Variants in AGPAT4 observed in about 807,000 individuals in gnomAD.
The protein encoded by AGPAT4 is 1-acyl-sn-glycerol-3-phosphate acyltransferase delta.
A neutral mutation model predicts 48.0 loss-of-function variants in AGPAT4; 15 were observed. That is an observed-to-expected ratio of 0.31 (90% CI 0.21 to 0.48). The LOEUF (loss-of-function observed/expected upper bound fraction) is 0.48, where lower values mean the gene tolerates loss of function less well. AGPAT4 is among the 20% of genes least tolerant of loss of function. The probability of loss-of-function intolerance (pLI) is 0.99; values close to 1 mark genes in which losing one functional copy is unlikely to be tolerated. For synonymous variants in AGPAT4, 178 were observed against 198.7 expected, an observed-to-expected ratio of 0.90 and a Z score of 0.88; for missense variants, 314 against 482.5, an observed-to-expected ratio of 0.65 and a Z score of 3.27.
chr6:161,136,732 A>G, intron 8 of AGPAT4, 98 bp from the exon 9 acceptor site: 1 of 1,040,192 alleles, frequency 9.6e-7, no homozygotes, highest in South Asian at 1.3e-5. Flanking sequence ...CGCAAATCAC[A>G]AGCGCCAGCT....
rs1256263303 is a variant in AGPAT4 at position 161,209,000 on chromosome 6, G to A, written c.178+23036C>T. ...TGTGTTAATTACTGGGGAAGAAAACGCACATCGAACAGGAAAGGCTGACTT... is the reference window on the plus strand; with the variant it reads ...TGTGTTAATTACTGGGGAAGAAAACACACATCGAACAGGAAAGGCTGACTT... On this transcript the variant is annotated intron_variant, in intron 2 of 8. Coordinates refer to ENST00000320285, the MANE Select transcript of AGPAT4 (RefSeq NM_020133.3). This position sits in a 1 kb window ranked among gnomAD's most constrained non-coding sequence, Gnocchi z 4.6. Among the ~76,000 whole-genome samples the A allele has an allele frequency of 1.3e-5, 2 of 152,094 alleles. No individual in the cohort carries two copies. The highest frequency in any genetic ancestry group is 2.9e-5 in the Non-Finnish European group (2 of 68,002).
chr6:161,175,273 G>T (rs1051291402), intron 2 of AGPAT4, among the ~76,000 whole-genome samples: 5 of 152,092 alleles, frequency 3.3e-5, no homozygotes, highest in African/African-American at 1.2e-4. Context: ...GAATCCATCT[G>T]GTCCTGGACT....
intron 1 of AGPAT4, among the ~76,000 whole-genome samples, chr6:161,247,536 G>A (rs775531211): frequency 3.3e-5 from 5 of 152,038 alleles, no homozygotes; most frequent in Non-Finnish European, 5.9e-5. Flanking sequence ...AATAAAGTAA[G>A]TATTGAAGGA....
In AGPAT4 at chr6:161,136,650, GA is replaced by G. The variant is rs762148339; in HGVS notation, c.1043-17del. On this transcript the variant is annotated splice_polypyrimidine_tract_variant and intron_variant, in intron 8 of 8. Transcript: ENST00000320285. ...CCCACGGAGGCTGCAGAGACAAGGA[GA>G]GCAGAGTTAGGAGTAGCCCAAACAG... 6.2e-6 allele frequency: 10 copies of G among 1,612,104 alleles called. No homozygotes were observed. The African/African-American group carries it at 1.2e-4, about 19-fold the overall frequency.
chr6:161,216,840 T>A lies in AGPAT4; in HGVS notation c.178+15196A>T, dbSNP rs80006827. 8.2e-3 allele frequency among the ~76,000 whole-genome samples: 1,247 copies of A among 152,168 alleles called. 21 individuals are homozygous for A. Among genetic ancestry groups the A allele is most frequent in the African/African-American group, 0.029 (1,200 of 41,522 alleles). On this transcript the variant is annotated intron_variant, in intron 2 of 8. Transcript: ENST00000320285. The surrounding 1 kb of genome is among the most constrained non-coding windows in gnomAD (Gnocchi z 4.8). ...GAAAAACTGGCCCTCATGATTCAAC[T>A]ACCTCCTCTTAGGTCCCTCCCACAA...
intron 1 of AGPAT4, among the ~76,000 whole-genome samples, chr6:161,256,015 G>A (rs1782933585): frequency 6.6e-6 from 1 of 152,138 alleles, no homozygotes; most frequent in African/African-American, 2.4e-5. Flanking sequence ...TGAAGGAAAT[G>A]AGCTGCAGAA....
chr6:161,166,863 CT>C lies in AGPAT4; in HGVS notation c.179-447del, dbSNP rs1428971163. ...CAACTTTCCTCTCCCATTTCTGACA[CT>C]TGAGGGCAGGGGAAGAATGGAGAAC... On this transcript the variant is annotated intron_variant, in intron 2 of 8. Coordinates refer to ENST00000320285, the MANE Select transcript of AGPAT4 (RefSeq NM_020133.3). This position sits in a 1 kb window ranked among gnomAD's most constrained non-coding sequence, Gnocchi z 6.7. Among the ~76,000 whole-genome samples, 1 of 152,166 alleles carries C rather than the reference CT, an allele frequency of 6.6e-6. No homozygotes were observed. The highest frequency in any genetic ancestry group is 1.5e-5 in the Non-Finnish European group (1 of 68,026).
rs1187019241 is a variant in AGPAT4 at position 161,218,642 on chromosome 6, G to A, written c.178+13394C>T. 6.6e-6 allele frequency among the ~76,000 whole-genome samples: 1 copy of A among 152,194 alleles called. No individual in the cohort carries two copies. Among genetic ancestry groups the A allele is most frequent in the Non-Finnish European group, 1.5e-5 (1 of 68,044 alleles). ...TCCTCCGCTCCACGGCCCTAGCACAGTGTATCCACATCAAATCTACTCAAA... is the reference window on the plus strand; with the variant it reads ...TCCTCCGCTCCACGGCCCTAGCACAATGTATCCACATCAAATCTACTCAAA... On this transcript the variant is annotated intron_variant, in intron 2 of 8. Transcript: ENST00000320285. The surrounding 1 kb of genome is among the most constrained non-coding windows in gnomAD (Gnocchi z 4.7).
rs1294030902 is a variant in AGPAT4 at position 161,261,586 on chromosome 6, G to T, written c.-90+12352C>A. Among the ~76,000 whole-genome samples the T allele has an allele frequency of 1.3e-5, 2 of 152,188 alleles. No homozygotes were observed. Among genetic ancestry groups the T allele is most frequent in the African/African-American group, 4.8e-5 (2 of 41,440 alleles). On this transcript the variant is annotated intron_variant, in intron 1 of 8. Coordinates refer to ENST00000320285, the MANE Select transcript of AGPAT4 (RefSeq NM_020133.3). This position sits in a 1 kb window ranked among gnomAD's most constrained non-coding sequence, Gnocchi z 5.3. ...AGCTGCTACCCTGAGACCGGGTAAG[G>T]CATCATCATTAACAAAGCCAACGGA...
chr6:161,238,829 A>C lies in AGPAT4; in HGVS notation c.-89-6527T>G, dbSNP rs539815912. Among the ~76,000 whole-genome samples, 2 of 152,022 alleles carry C rather than the reference A, an allele frequency of 1.3e-5. No individual in the cohort carries two copies. The highest frequency in any genetic ancestry group is 4.2e-4 in the South Asian group (2 of 4,810). ...CTGATGGTTTCATAAGGGGCTTTTCACCCTTTTGCTTGGTGCTTCTCCTTC... is the reference window on the plus strand; with the variant it reads ...CTGATGGTTTCATAAGGGGCTTTTCCCCCTTTTGCTTGGTGCTTCTCCTTC... On this transcript the variant is annotated intron_variant, in intron 1 of 8. Coordinates refer to ENST00000320285, the MANE Select transcript of AGPAT4 (RefSeq NM_020133.3). The surrounding 1 kb of genome is among the most constrained non-coding windows in gnomAD (Gnocchi z 5.2).
At chr6:161,239,728 T>C (rs996528805) in intron 1 of AGPAT4, among the ~76,000 whole-genome samples, 1 of 152,196 alleles carries the variant, frequency 6.6e-6, no homozygotes, top group Non-Finnish European at 1.5e-5. Context: ...TACTACTTTT[T>C]ACATTCCAAA....
intron 2 of AGPAT4, among the ~76,000 whole-genome samples, chr6:161,186,534 C>A (rs921175054): frequency 4.6e-5 from 7 of 152,202 alleles, no homozygotes; most frequent in Non-Finnish European, 8.8e-5. Flanking sequence ...ATCTCCAGCA[C>A]TGCCCTCCTT....
chr6:161,168,133 G>T (rs576735471), intron 2 of AGPAT4, among the ~76,000 whole-genome samples: 39 of 152,014 alleles, frequency 2.6e-4, no homozygotes, highest in African/African-American at 9.2e-4. Flanking sequence ...GTGGTGGGGT[G>T]GGGGGCTAGG....
chr6:161,177,937 G>A lies in AGPAT4; in HGVS notation c.179-11520C>T, dbSNP rs1026079283. Among the ~76,000 whole-genome samples, 4 of 152,202 alleles carry A rather than the reference G, an allele frequency of 2.6e-5. No homozygotes were observed. The highest frequency in any genetic ancestry group is 4.4e-5 in the Non-Finnish European group (3 of 68,042). ...GTCCACTCCAGTCCTGTTTATCTGGGTATCACCAGTGGAGGCTGCAGAACA... is the reference window on the plus strand; with the variant it reads ...GTCCACTCCAGTCCTGTTTATCTGGATATCACCAGTGGAGGCTGCAGAACA... On this transcript the variant is annotated intron_variant, in intron 2 of 8. Coordinates refer to ENST00000320285, the MANE Select transcript of AGPAT4 (RefSeq NM_020133.3). The surrounding 1 kb of genome is among the most constrained non-coding windows in gnomAD (Gnocchi z 5.0).
chr6:161,254,346 C>G lies in AGPAT4; in HGVS notation c.-90+19592G>C, dbSNP rs1455200177. Among the ~76,000 whole-genome samples, 1 of 152,190 alleles carries G rather than the reference C, an allele frequency of 6.6e-6. No homozygotes were observed. Among genetic ancestry groups the G allele is most frequent in the African/African-American group, 2.4e-5 (1 of 41,440 alleles). On this transcript the variant is annotated intron_variant, in intron 1 of 8. Coordinates refer to ENST00000320285, the MANE Select transcript of AGPAT4 (RefSeq NM_020133.3). This position sits in a 1 kb window ranked among gnomAD's most constrained non-coding sequence, Gnocchi z 5.9. ...GTCACTAACCTGCTCAGGTCCCTAC[C>G]TTCTCTGATCCTCAGCTTCTTCCTG... is the stretch of plus-strand genomic sequence containing the variant.
intron 2 of AGPAT4, among the ~76,000 whole-genome samples, chr6:161,170,197 C>T (rs946226656): frequency 1.1e-4 from 16 of 152,106 alleles, no homozygotes; most frequent in African/African-American, 3.4e-4. Flanking sequence ...GACCGCCTGC[C>T]CTGTGGACTG....
chr6:161,160,104 A>ATTTTTTTTTTTTTTTTTTTTTTTTTTT (rs5881394), intron 3 of AGPAT4: 2 of 74,008 alleles, frequency 2.7e-5, no homozygotes, highest in Non-Finnish European at 4.8e-5. Flanking sequence ...CACCCAGCTA[A>ATTTTTTTTTTTTTTTTTTTTTTTTTTT]TTTTTTTTTT....
At position 161,146,578 on chromosome 6, in the gene AGPAT4, G is replaced by A; in HGVS notation, c.789C>T (p.Ile263=). ...LYVRRIPLED[I]PEDDDECSAW... The stretch of plus-strand genomic sequence containing the variant: ...CCGAGCACTCGTCATCGTCTTCAGG[G>A]ATGTCTTCCAGTGGGATCCTCCTGC... The change falls in exon 7 of 9, where the codon ATC becomes ATT. Residue 263 remains isoleucine (I), a synonymous_variant. Transcript: ENST00000320285. The surrounding 1 kb of genome is among the most constrained non-coding windows in gnomAD (Gnocchi z 7.1). 1 of 1,614,150 alleles carries A rather than the reference G, an allele frequency of 6.2e-7. No individual in the cohort carries two copies. Among genetic ancestry groups the A allele is most frequent in the African/African-American group, 1.3e-5 (1 of 75,054 alleles).
intron 3 of AGPAT4, chr6:161,160,802 C>A: frequency 2.9e-6 from 1 of 350,342 alleles, no homozygotes; most frequent in South Asian, 2.1e-5. Flanking sequence ...TCTGAACGGA[C>A]AGCCCAGCCC....
Sources: allele counts gnomAD v4.1 joint callset (sites outside exome capture counted in the v4.1 genomes callset), GRCh38; gene constraint gnomAD v4.1.1; non-coding constraint Gnocchi (gnomAD v3.1); transcripts MANE v1.5; gene names NCBI Gene and HGNC (gene_info 2026-07-23, HGNC 2026-07-21).